The following XKR9 variants were observed in gnomAD, a reference collection of about 807,000 sequenced individuals.
The protein encoded by XKR9 is XK-related protein 9.
Under a neutral mutation model 32.0 loss-of-function variants are expected in XKR9, and 32 were observed. That is an observed-to-expected ratio of 1.00 (90% confidence interval 0.76 to 1.34). The LOEUF is 1.34. Ranked by LOEUF, XKR9 falls within the 40% of genes most tolerant of loss-of-function variation. The pLI, the probability that XKR9 is intolerant of heterozygous loss-of-function variation, is 0.00. For missense variants in XKR9, 546 were observed against 429.7 expected (o/e 1.27, Z -2.39); for synonymous variants, 168 against 143.4 (o/e 1.17, Z -1.22).
chr8:71,018,784 TTAAAA>T, the XKR9 span, among the ~76,000 whole-genome samples: 12 of 152,212 alleles, frequency 7.9e-5, no homozygotes, highest in African/African-American at 2.9e-4. Context: ...TAAAAAAACT[TTAAAA>T]TATAATACAA....
intron 2 of XKR9, among the ~76,000 whole-genome samples, chr8:70,763,450 A>T (rs1254112307): frequency 6.6e-6 from 1 of 152,180 alleles, no homozygotes; most frequent in South Asian, 2.1e-4. Flanking sequence ...GGTGTGAGGT[A>T]AGAATCCCCC....
the XKR9 span, among the ~76,000 whole-genome samples, chr8:71,064,196 G>A: frequency 6.6e-6 from 1 of 151,978 alleles, no homozygotes; most frequent in Non-Finnish European, 1.5e-5. Flanking sequence ...ATGTGTATTT[G>A]CTTAATTTTT....
At chr8:70,733,313 C>G (rs1169625572) in intron 4 of XKR9, among the ~76,000 whole-genome samples, 1 of 151,928 alleles carries the variant, frequency 6.6e-6, no homozygotes, top group African/African-American at 2.4e-5. Context: ...CTTTCTCTCT[C>G]TCTACCCCTC....
At chr8:71,034,947 C>T in the XKR9 span, among the ~76,000 whole-genome samples, 1 of 152,162 alleles carries the variant, frequency 6.6e-6, no homozygotes, top group Non-Finnish European at 1.5e-5. Context: ...CAGTCTTTGT[C>T]ACCTAGCACA....
chr8:70,878,724 C>T, the XKR9 span, among the ~76,000 whole-genome samples: 1 of 152,192 alleles, frequency 6.6e-6, no homozygotes, highest in Admixed American at 6.5e-5. Context: ...TAACACCCCA[C>T]TGTCAACATT....
At chr8:70,702,090 A>G (rs1281129722) in intron 3 of XKR9, among the ~76,000 whole-genome samples, 1 of 152,186 alleles carries the variant, frequency 6.6e-6, no homozygotes, top group Non-Finnish European at 1.5e-5. Flanking sequence ...TTAAATGGGC[A>G]TTAAATAGTT....
At chr8:70,701,680 T>C (rs1405667426) in intron 3 of XKR9, among the ~76,000 whole-genome samples, 1 of 152,168 alleles carries the variant, frequency 6.6e-6, no homozygotes, top group Non-Finnish European at 1.5e-5. Flanking sequence ...ATTTGCTGAA[T>C]TGTGGATTTG....
chr8:70,858,626 A>T, the XKR9 span, among the ~76,000 whole-genome samples: 5 of 152,184 alleles, frequency 3.3e-5, no homozygotes, highest in Admixed American at 6.6e-5. Context: ...AAGCTATAGT[A>T]ATTAAATCAG....
chr8:70,962,161 G>T, the XKR9 span, among the ~76,000 whole-genome samples: 8 of 151,950 alleles, frequency 5.3e-5, no homozygotes, highest in South Asian at 1.7e-3. Context: ...GTAGTTTACT[G>T]ATATGTTTAA....
At chr8:70,977,810 G>C in the XKR9 span, among the ~76,000 whole-genome samples, 8 of 152,168 alleles carry the variant, frequency 5.3e-5, no homozygotes, top group Non-Finnish European at 1.2e-4. Flanking sequence ...CTCTCTCATT[G>C]ATCTGTCTAA....
chr8:70,756,276 G>T (rs1807225077), intron 2 of XKR9, among the ~76,000 whole-genome samples: 1 of 152,116 alleles, frequency 6.6e-6, no homozygotes. Context: ...TTGCTTTATA[G>T]TAAGTTTTGA....
chr8:71,030,985 G>A, the XKR9 span, among the ~76,000 whole-genome samples: 1 of 152,092 alleles, frequency 6.6e-6, no homozygotes, highest in African/African-American at 2.4e-5. Flanking sequence ...CATTGATAAT[G>A]TTTGCTAAAT....
chr8:70,752,146 A>T (rs1010376836), intron 2 of XKR9, among the ~76,000 whole-genome samples: 1 of 152,202 alleles, frequency 6.6e-6, no homozygotes, highest in Non-Finnish European at 1.5e-5. Context: ...AGCAACCACA[A>T]TCTGCCTTCT....
chr8:70,796,238 G>C, the XKR9 span, among the ~76,000 whole-genome samples: 1 of 151,900 alleles, frequency 6.6e-6, no homozygotes, highest in Non-Finnish European at 1.5e-5. Context: ...CTAGGCTCTG[G>C]TGCCTGTTAT....
At chr8:70,713,583 A>C (rs1317700346) in intron 4 of XKR9, among the ~76,000 whole-genome samples, 1 of 152,144 alleles carries the variant, frequency 6.6e-6, no homozygotes, top group Non-Finnish European at 1.5e-5. Flanking sequence ...AGTAGTAAGT[A>C]TATGGGTGAT....
the XKR9 span, among the ~76,000 whole-genome samples, chr8:71,050,250 T>G: frequency 4.5e-5 from 6 of 131,984 alleles, 1 homozygote; most frequent in African/African-American, 1.9e-4. Flanking sequence ...TATATATATA[T>G]ATATATATAT....
chr8:71,040,321 A>G, the XKR9 span, among the ~76,000 whole-genome samples: 1 of 152,174 alleles, frequency 6.6e-6, no homozygotes, highest in Admixed American at 6.5e-5. Context: ...CTTGTGCAAC[A>G]TGTGGTATTA....
chr8:70,825,299 T>C, the XKR9 span, among the ~76,000 whole-genome samples: 2 of 152,132 alleles, frequency 1.3e-5, no homozygotes, highest in East Asian at 1.9e-4. Context: ...CCTTACTTCA[T>C]TGAGTGACCT....
At chr8:70,992,938 C>T in the XKR9 span, among the ~76,000 whole-genome samples, 1 of 152,366 alleles carries the variant, frequency 6.6e-6, no homozygotes, top group East Asian at 1.9e-4. Context: ...CAGAGGGTTT[C>T]TCCTGCCTTC....
Sources: gnomAD v4.1 joint callset for allele counts (sites outside exome capture counted in the v4.1 genomes callset) on GRCh38, gnomAD v4.1.1 for gene constraint, MANE v1.5 for transcripts, NCBI Gene and HGNC (gene_info 2026-07-23, HGNC 2026-07-21) for gene names.